WDR49: variants seen among roughly 807,000 people sequenced by gnomAD.
The protein encoded by WDR49 is cilia- and flagella-associated protein 337.
In WDR49, 107 loss-of-function variants were observed where a neutral mutation model predicts 119.5. That is an observed-to-expected ratio of 0.90 (90% confidence interval 0.77 to 1.05). WDR49 has a LOEUF of 1.05. Among genes scored for constraint, WDR49 ranks in the 50% least tolerant of loss-of-function variants. The pLI, the probability that WDR49 is intolerant of heterozygous loss-of-function variation, is 0.00. For synonymous variants in WDR49, 425 were observed against 418.8 expected (o/e 1.01, Z -0.18); for missense variants, 1,240 against 1,220.5 (o/e 1.02, Z -0.24).
intron 2 of WDR49, among the ~76,000 whole-genome samples, chr3:167,649,715 T>C (rs1718282951): frequency 6.6e-6 from 1 of 152,222 alleles, no homozygotes; most frequent in East Asian, 1.9e-4. Context: ...GGATTTTTAC[T>C]GTGCCTTTCT....
intron 12 of WDR49, 62 bp from the exon 13 acceptor site, chr3:167,531,341 C>T (rs1752847933): frequency 6.4e-7 from 1 of 1,567,412 alleles, no homozygotes; most frequent in Non-Finnish European, 8.7e-7. Context: ...CAAACTAATG[C>T]CTATGAAATA....
chr3:167,574,892 T>C (rs549530208), intron 8 of WDR49, among the ~76,000 whole-genome samples: 2 of 152,332 alleles, frequency 1.3e-5, no homozygotes, highest in Non-Finnish European at 1.5e-5. Context: ...CAGGAAATGT[T>C]TTCCCGCAGA....
intron 10 of WDR49, among the ~76,000 whole-genome samples, chr3:167,553,389 A>T (rs1029582631): frequency 1.3e-5 from 2 of 152,050 alleles, no homozygotes; most frequent in African/African-American, 4.8e-5. Context: ...ATGTTCCTTT[A>T]AACCACTTTT....
intron 5 of WDR49, among the ~76,000 whole-genome samples, chr3:167,614,518 CT>C: frequency 6.6e-6 from 1 of 152,252 alleles, no homozygotes; most frequent in Non-Finnish European, 1.5e-5. Flanking sequence ...TGTCTTAGCA[CT>C]ATTACACAAA....
At chr3:167,646,464 G>A (rs1349210192) in intron 2 of WDR49, among the ~76,000 whole-genome samples, 1 of 152,110 alleles carries the variant, frequency 6.6e-6, no homozygotes, top group Non-Finnish European at 1.5e-5. Context: ...CAGAAGTGAG[G>A]AAGCAGAACA....
intron 11 of WDR49, among the ~76,000 whole-genome samples, chr3:167,534,610 C>A (rs774113647): frequency 6.6e-6 from 1 of 152,082 alleles, no homozygotes; most frequent in Non-Finnish European, 1.5e-5. Flanking sequence ...CATAGATACC[C>A]TGGATCTTTT....
intron 18 of WDR49, among the ~76,000 whole-genome samples, chr3:167,497,573 T>C (rs1751403211): frequency 6.6e-6 from 1 of 152,166 alleles, no homozygotes; most frequent in Non-Finnish European, 1.5e-5. Flanking sequence ...TGCCACAGAT[T>C]ATATAAAAGA....
At chr3:167,517,429 C>T (rs1752256525) in intron 16 of WDR49, among the ~76,000 whole-genome samples, 1 of 152,106 alleles carries the variant, frequency 6.6e-6, no homozygotes, top group African/African-American at 2.4e-5. Context: ...GAAAGGATTC[C>T]CTATTTAATA....
chr3:167,613,198 G>T (rs1716427992), intron 5 of WDR49, among the ~76,000 whole-genome samples: 1 of 151,938 alleles, frequency 6.6e-6, no homozygotes, highest in Admixed American at 6.6e-5. Context: ...ACACACACAA[G>T]AAAATTTAAA....
chr3:167,588,887 T>C (rs1714963240), intron 7 of WDR49, among the ~76,000 whole-genome samples: 1 of 152,314 alleles, frequency 6.6e-6, no homozygotes, highest in Admixed American at 6.5e-5. Flanking sequence ...TTCTGTGGGT[T>C]GTTTCTTCAC....
At chr3:167,586,101 C>T (rs2108292245) in intron 7 of WDR49, among the ~76,000 whole-genome samples, 1 of 152,222 alleles carries the variant, frequency 6.6e-6, no homozygotes, top group South Asian at 2.1e-4. Context: ...ATATAGAAGC[C>T]AGGTTCTGAG....
chr3:167,621,617 C>A lies in WDR49; in HGVS notation c.633G>T (p.Glu211Asp). ...TGGACAGCAGATCATAGAAACAAAC[C>A]TCTTTACTTGTAAAAGCCACTGCTA... ...NKIAVAFTSK[E>D]VCFYDLLSKE... The change falls in exon 4 of 19, where the codon GAG (glutamate) becomes GAT (aspartate). Residue 211 changes from glutamate (E) to aspartate (D), a missense_variant. Coordinates refer to ENST00000682715, the MANE Select transcript of WDR49 (RefSeq NM_001366157.1). The A allele has an allele frequency of 6.5e-7, 1 of 1,533,322 alleles. No homozygotes were observed. The highest frequency in any genetic ancestry group is 8.7e-7 in the Non-Finnish European group (1 of 1,145,576). 95.0% of individuals were successfully genotyped at this position (1,533,322 alleles called of 1,614,324 possible). A position where few individuals can be genotyped will look rare whatever the true frequency, so the allele number is the denominator to read the frequency against.
rs774299959 is a variant in WDR49, at chr3:167,604,283, A to G, written c.1126+18T>C. ...TATTTATGAGGCCCTCATAGTTATC[A>G]TGATTTATTTTACCTACCAATTAAA... On this transcript the variant is annotated intron_variant, in intron 6 of 18. Coordinates refer to ENST00000682715, the MANE Select transcript of WDR49 (RefSeq NM_001366157.1). 1.1e-5 allele frequency: 17 copies of G among 1,612,386 alleles called. No individual in the cohort carries two copies. The highest frequency in any genetic ancestry group is 6.7e-5 in the East Asian group (3 of 44,802).
At chr3:167,627,668 A>G (rs1717193301) in intron 2 of WDR49, among the ~76,000 whole-genome samples, 1 of 152,072 alleles carries the variant, frequency 6.6e-6, no homozygotes, top group Non-Finnish European at 1.5e-5. Context: ...TGCAGAAGAA[A>G]GACAATCCTG....
chr3:167,570,440 C>T (rs1478155347), intron 8 of WDR49, among the ~76,000 whole-genome samples: 1 of 152,170 alleles, frequency 6.6e-6, no homozygotes, highest in African/African-American at 2.4e-5. Flanking sequence ...AATTATACCT[C>T]ATCCCTCATT....
In WDR49 at chr3:167,536,904, A is replaced by G. The variant is rs1753057158; in HGVS notation, c.1920T>C (p.Cys640=). 3 of 1,531,418 alleles carry G rather than the reference A, an allele frequency of 2.0e-6. No homozygotes were observed. The highest frequency in any genetic ancestry group is 1.8e-6 in the Non-Finnish European group (2 of 1,140,568). The allele number at this position is 1,531,418 out of a possible 1,614,324, so 94.9% of individuals were successfully genotyped here. The change falls in exon 11 of 19, where the codon TGT becomes TGC. Residue 640 remains cysteine (C), a synonymous_variant. Transcript: ENST00000682715. ...GAGTTTGTGGAGGTAAAAACGCAGC[A>G]CACAAGATGTCATCATGGTGCTGTA... ...GGIQHHDDIL[C]AAFLPPQTLV...
At chr3:167,639,680 C>A (rs1717787995) in intron 2 of WDR49, among the ~76,000 whole-genome samples, 2 of 151,752 alleles carry the variant, frequency 1.3e-5, no homozygotes, top group Non-Finnish European at 2.9e-5. Context: ...GTCAGAAAGA[C>A]TCTAATCCAG....
intron 17 of WDR49, among the ~76,000 whole-genome samples, chr3:167,503,938 C>T (rs1751675602): frequency 6.6e-6 from 1 of 152,174 alleles, no homozygotes; most frequent in Admixed American, 6.5e-5. Context: ...ATTTCTTTAC[C>T]TCCTGTTTTT....
intron 8 of WDR49, among the ~76,000 whole-genome samples, chr3:167,573,779 C>G (rs979867559): frequency 6.6e-6 from 1 of 152,166 alleles, no homozygotes; most frequent in African/African-American, 2.4e-5. Context: ...GTGATACATT[C>G]AACAAATGGC....
Sources: gnomAD v4.1 joint callset for allele counts (sites outside exome capture counted in the v4.1 genomes callset) on GRCh38, gnomAD v4.1.1 for gene constraint, MANE v1.5 for transcripts, NCBI Gene and HGNC (gene_info 2026-07-23, HGNC 2026-07-21) for gene names.